The following COL25A1 variants were observed in gnomAD, a reference collection of about 807,000 sequenced individuals.
COL25A1 encodes collagen alpha-1(XXV) chain.
In COL25A1, 103 loss-of-function variants were observed where a neutral mutation model predicts 128.4. The observed-to-expected ratio is 0.80, with a 90% CI of 0.68 to 0.94. The LOEUF is 0.94. COL25A1 is among the 40% of genes least tolerant of loss of function. The probability of loss-of-function intolerance (pLI) is 0.00; values close to 1 mark genes in which losing one functional copy is unlikely to be tolerated. For missense variants in COL25A1, 745 were observed against 840.0 expected (o/e 0.89, Z 1.40); for synonymous variants, 279 against 277.2 (o/e 1.01, Z -0.06).
In COL25A1 at chr4:108,811,720, C is replaced by T. The variant is rs2125698076; in HGVS notation, c.*2207G>A. 1 of 152,168 alleles carries T rather than the reference C, an allele frequency of 6.6e-6. No individual in the cohort carries two copies. Among genetic ancestry groups the T allele is most frequent in the East Asian group, 1.9e-4 (1 of 5,180 alleles). The allele number at this position is 152,168 out of a possible 1,614,324, so 9.4% of individuals were successfully genotyped here. On this transcript the variant is annotated 3_prime_UTR_variant, in exon 38 of 38. Coordinates refer to ENST00000399132, the MANE Select transcript of COL25A1 (RefSeq NM_198721.4). The stretch of plus-strand genomic sequence containing the variant: ...CATACAAGAAATTGTTAGAAAATGT[C>T]CTCCATTATTTTCAAAATGCTAAAC...
rs547782139 is a variant in COL25A1, at chr4:108,846,025, G to C, written c.1515+114C>G. ...CAAATATTTCAAAATAAAAATATGA[G>C]ATGAACCACTAGATGAGATTGCAGC... On this transcript the variant is annotated intron_variant, in intron 28 of 37. Transcript: ENST00000399132. The C allele has an allele frequency of 7.6e-6, 5 of 657,774 alleles. No individual in the cohort carries two copies. The Admixed American group carries it at 1.1e-4, about 15-fold the overall frequency. The allele number at this position is 657,774 out of a possible 1,614,324, so 40.7% of individuals were successfully genotyped here.
intron 3 of COL25A1, among the ~76,000 whole-genome samples, chr4:109,202,914 A>C (rs111685077): frequency 6.6e-5 from 10 of 152,214 alleles, no homozygotes; most frequent in African/African-American, 2.4e-4. Flanking sequence ...ATATATGGAT[A>C]TGTTGGAGAG....
intron 8 of COL25A1, among the ~76,000 whole-genome samples, chr4:108,959,598 T>C (rs1750444287): frequency 1.3e-5 from 2 of 152,202 alleles, no homozygotes; most frequent in African/African-American, 4.8e-5. Flanking sequence ...TGCCATTACA[T>C]TTGACACATT....
chr4:109,087,781 T>G (rs1314953736), intron 3 of COL25A1, among the ~76,000 whole-genome samples: 3 of 152,152 alleles, frequency 2.0e-5, no homozygotes, highest in African/African-American at 4.8e-5. Context: ...ATACAAAATC[T>G]CACCTGTATT....
At chr4:108,862,325 T>C (rs1737329756) in intron 22 of COL25A1, among the ~76,000 whole-genome samples, 176 bp downstream of exon 22, 1 of 152,244 alleles carries the variant, frequency 6.6e-6, no homozygotes, top group Non-Finnish European at 1.5e-5. Flanking sequence ...GAAACAAACG[T>C]ATTGTTTTGA....
intron 3 of COL25A1, among the ~76,000 whole-genome samples, chr4:109,134,614 A>C (rs1023632214): frequency 1.3e-5 from 2 of 152,198 alleles, no homozygotes; most frequent in African/African-American, 4.8e-5. Context: ...AAAGCTAAGA[A>C]GAATATCACC....
At chr4:109,293,903 C>A (rs535126543) in intron 3 of COL25A1, among the ~76,000 whole-genome samples, 3 of 152,136 alleles carry the variant, frequency 2.0e-5, no homozygotes, top group South Asian at 4.1e-4. Flanking sequence ...GTACAAAATC[C>A]TCAACAGGTA....
intron 3 of COL25A1, among the ~76,000 whole-genome samples, chr4:109,103,008 T>C (rs1428027007): frequency 1.3e-5 from 2 of 152,200 alleles, no homozygotes; most frequent in Non-Finnish European, 2.9e-5. Context: ...GTAAATACTA[T>C]AGATATCGCA....
chr4:108,820,662 T>G (rs554725150), intron 35 of COL25A1, among the ~76,000 whole-genome samples: 16 of 151,582 alleles, frequency 1.1e-4, no homozygotes, highest in Non-Finnish European at 1.9e-4. Flanking sequence ...ACTGATCTCA[T>G]GCCATGTATT....
rs117422110 is a variant in COL25A1, at chr4:109,278,973, G to A, written c.367+21610C>T. On this transcript the variant is annotated intron_variant, in intron 3 of 37. Coordinates refer to ENST00000399132, the MANE Select transcript of COL25A1 (RefSeq NM_198721.4). ...TGTTCACACATGGTGGAAGGGGCAC[G>A]TCAACTCCCTAGGGACCTTTTTATA... Among the ~76,000 whole-genome samples the A allele has an allele frequency of 8.3e-3, 1,268 of 152,224 alleles. 66 individuals are homozygous for A. The South Asian group carries it at 0.14, about 17-fold the overall frequency.
intron 26 of COL25A1, among the ~76,000 whole-genome samples, 165 bp downstream of exon 26, chr4:108,852,071 T>A (rs1735850221): frequency 6.6e-6 from 1 of 152,112 alleles, no homozygotes; most frequent in Non-Finnish European, 1.5e-5. Flanking sequence ...ATTTTCTATC[T>A]TCCTTCAGTC....
chr4:109,165,144 T>C (rs112690154), intron 3 of COL25A1, among the ~76,000 whole-genome samples: 57 of 152,318 alleles, frequency 3.7e-4, no homozygotes, highest in African/African-American at 1.3e-3. Flanking sequence ...CAAGCACATA[T>C]ATTAACTCAA....
chr4:108,811,131 C>T lies in COL25A1; in HGVS notation c.*2796G>A, dbSNP rs1454732085. On this transcript the variant is annotated 3_prime_UTR_variant, in exon 38 of 38. Coordinates refer to ENST00000399132, the MANE Select transcript of COL25A1 (RefSeq NM_198721.4). ...ATCTATCAACACATATCAACAAACA[C>T]AATTCTTTCATTCACTTAGAAATTA... is the stretch of plus-strand genomic sequence containing the variant. 6.6e-6 allele frequency: 1 copy of T among 152,050 alleles called. No individual in the cohort carries two copies. The highest frequency in any genetic ancestry group is 1.9e-4 in the East Asian group (1 of 5,194). 9.4% of individuals were successfully genotyped at this position (152,050 alleles called of 1,614,324 possible). A position where few individuals can be genotyped will look rare whatever the true frequency, so the allele number is the denominator to read the frequency against.
intron 3 of COL25A1, among the ~76,000 whole-genome samples, chr4:109,269,769 AAG>A (rs907730644): frequency 7.2e-4 from 110 of 152,342 alleles, no homozygotes; most frequent in African/African-American, 2.6e-3. Flanking sequence ...ACAACCAAAA[AAG>A]AGAATTTTAG....
At chr4:109,132,703 G>C (rs1244057374) in intron 3 of COL25A1, among the ~76,000 whole-genome samples, 1 of 152,106 alleles carries the variant, frequency 6.6e-6, no homozygotes, top group Non-Finnish European at 1.5e-5. Context: ...TTTTCTGAAG[G>C]TAAGAAAGTA....
At chr4:109,021,825 A>C (rs1046628152) in intron 5 of COL25A1, 1 of 447,048 alleles carries the variant, frequency 2.2e-6, no homozygotes, top group Non-Finnish European at 4.5e-6. Context: ...TATGCGGTTG[A>C]GATAAGGACT....
intron 6 of COL25A1, among the ~76,000 whole-genome samples, chr4:108,994,439 C>T (rs566072474): frequency 6.6e-6 from 1 of 152,274 alleles, no homozygotes; most frequent in East Asian, 1.9e-4. Context: ...GAGTAGCTCA[C>T]AGTGTAAACA....
At chr4:109,225,110 G>A (rs1778713981) in intron 3 of COL25A1, among the ~76,000 whole-genome samples, 1 of 152,122 alleles carries the variant, frequency 6.6e-6, no homozygotes, top group African/African-American at 2.4e-5. Context: ...AAGAAACAGA[G>A]CACTCAGCTC....
intron 3 of COL25A1, among the ~76,000 whole-genome samples, chr4:109,071,506 A>C (rs1394723748): frequency 6.6e-6 from 1 of 152,216 alleles, no homozygotes; most frequent in African/African-American, 2.4e-5. Context: ...CAGAGTGAAC[A>C]GGCAACCTAC....
Sources: allele counts gnomAD v4.1 joint callset (sites outside exome capture counted in the v4.1 genomes callset), GRCh38; gene constraint gnomAD v4.1.1; transcripts MANE v1.5; gene names NCBI Gene and HGNC (gene_info 2026-07-23, HGNC 2026-07-21).